CLSTN2: variants seen among roughly 807,000 people sequenced by gnomAD.
CLSTN2 encodes the protein calsyntenin-2.
In CLSTN2, 48 loss-of-function variants were observed where a neutral mutation model predicts 101.2. The observed-to-expected ratio is 0.47, with a 90% CI of 0.38 to 0.60. The LOEUF (loss-of-function observed/expected upper bound fraction) is 0.60. Among genes scored for constraint, CLSTN2 ranks in the 20% least tolerant of loss-of-function variants. CLSTN2 has a pLI of 0.00. For missense variants in CLSTN2, 1,160 were observed against 1,238.2 expected (o/e 0.94, Z 0.95); for synonymous variants, 481 against 463.6 (o/e 1.04, Z -0.48).
chr3:140,149,925 G>A (rs73868759), intron 1 of CLSTN2, among the ~76,000 whole-genome samples: 279 of 152,246 alleles, frequency 1.8e-3, no homozygotes, highest in African/African-American at 6.5e-3. Context: ...TCTTGGGTTC[G>A]TGACAAGTAG....
intron 1 of CLSTN2, among the ~76,000 whole-genome samples, chr3:139,960,398 C>T (rs1397477729): frequency 6.6e-6 from 1 of 152,156 alleles, no homozygotes; most frequent in Admixed American, 6.5e-5. Flanking sequence ...TCCTTTGAGG[C>T]ATCCCACACT....
chr3:140,078,327 C>T (rs996187611), intron 1 of CLSTN2, among the ~76,000 whole-genome samples: 4 of 152,164 alleles, frequency 2.6e-5, no homozygotes, highest in Non-Finnish European at 5.9e-5. Context: ...GAACATGGAG[C>T]TGGTCAATGC....
chr3:140,272,910 T>C (rs1553727216), intron 2 of CLSTN2, among the ~76,000 whole-genome samples: 1 of 152,176 alleles, frequency 6.6e-6, no homozygotes, highest in Non-Finnish European at 1.5e-5. Context: ...TTTTGAAATA[T>C]GTGAAGGAAG....
Position 140,562,266 on chromosome 3 carries a change from C to A in CLSTN2, c.2170C>A (p.His724Asn). 6.2e-7 allele frequency: 1 copy of A among 1,613,952 alleles called. No individual in the cohort carries two copies. The highest frequency in any genetic ancestry group is 8.5e-7 in the Non-Finnish European group (1 of 1,179,956). Residue 724 changes from histidine to asparagine, a missense_variant, in exon 13 of 17, where the codon CAC becomes AAC. Coordinates refer to ENST00000458420, the MANE Select transcript of CLSTN2 (RefSeq NM_022131.3). ...ELNHSELHQR[H>N]LDATNSTAGY... ...CAACCACAGTGAGCTCCACCAACGA[C>A]ACCTGGATGCCACTAATTCTACTGC...
At chr3:140,248,983 A>G (rs1315864964) in intron 2 of CLSTN2, among the ~76,000 whole-genome samples, 1 of 152,188 alleles carries the variant, frequency 6.6e-6, no homozygotes, top group Middle Eastern at 3.2e-3. Flanking sequence ...TTGGAAATTC[A>G]TGGGAGTTCA....
At chr3:140,181,023 T>C (rs1264453486) in intron 2 of CLSTN2, among the ~76,000 whole-genome samples, 1 of 152,222 alleles carries the variant, frequency 6.6e-6, no homozygotes, top group African/African-American at 2.4e-5. Flanking sequence ...GCAAAGCCTC[T>C]CCCACATGCT....
chr3:140,221,722 A>G (rs1177473779), intron 2 of CLSTN2, among the ~76,000 whole-genome samples: 1 of 152,238 alleles, frequency 6.6e-6, no homozygotes, highest in African/African-American at 2.4e-5. Flanking sequence ...GTAAACAGGT[A>G]TGTGAAAAGG....
At chr3:140,059,251 A>G (rs1396471648) in intron 1 of CLSTN2, among the ~76,000 whole-genome samples, 3 of 152,236 alleles carry the variant, frequency 2.0e-5, no homozygotes, top group Admixed American at 6.5e-5. Context: ...ACCACCCATG[A>G]TAAGTGTCCT....
chr3:140,558,019 T>G (rs1935834074), intron 11 of CLSTN2, among the ~76,000 whole-genome samples: 1 of 152,258 alleles, frequency 6.6e-6, no homozygotes, highest in Non-Finnish European at 1.5e-5. Flanking sequence ...TCAAGTGCCT[T>G]GTCCACATTT....
chr3:140,078,122 G>C (rs1311098185), intron 1 of CLSTN2, among the ~76,000 whole-genome samples: 1 of 152,148 alleles, frequency 6.6e-6, no homozygotes, highest in Non-Finnish European at 1.5e-5. Flanking sequence ...GCCCACTTGA[G>C]CTTTATCCTG....
At chr3:140,341,149 C>A (rs2107936062) in intron 2 of CLSTN2, among the ~76,000 whole-genome samples, 1 of 152,288 alleles carries the variant, frequency 6.6e-6, no homozygotes, top group Middle Eastern at 3.4e-3. Context: ...TGCATATTAT[C>A]TAAGGTCCCT....
At chr3:140,091,020 G>A (rs2008771730) in intron 1 of CLSTN2, among the ~76,000 whole-genome samples, 1 of 152,122 alleles carries the variant, frequency 6.6e-6, no homozygotes, top group Admixed American at 6.5e-5. Context: ...ACATAATGTG[G>A]TGGAGTGGCC....
intron 1 of CLSTN2, among the ~76,000 whole-genome samples, chr3:140,174,028 C>T (rs968035683): frequency 6.6e-6 from 1 of 152,216 alleles, no homozygotes. Context: ...AATTTCTCCT[C>T]AGAAAATGGG....
At chr3:140,138,440 G>A (rs1299741120) in intron 1 of CLSTN2, among the ~76,000 whole-genome samples, 5 of 152,170 alleles carry the variant, frequency 3.3e-5, no homozygotes, top group Admixed American at 1.3e-4. Context: ...CATCCTTCCT[G>A]GGTTGGAGTC....
At chr3:140,140,166 C>A (rs760649781) in intron 1 of CLSTN2, among the ~76,000 whole-genome samples, 16 of 152,154 alleles carry the variant, frequency 1.1e-4, no homozygotes, top group Non-Finnish European at 2.2e-4. Flanking sequence ...CCAGGGGCCA[C>A]CGTTTGAGAA....
chr3:140,419,027 C>G lies in CLSTN2; in HGVS notation c.638-2098C>G, dbSNP rs78829180. Among the ~76,000 whole-genome samples, 69 of 148,474 alleles carry G rather than the reference C, an allele frequency of 4.6e-4. 1 individual carries two copies. In the East Asian group the frequency reaches 0.01, roughly 22 times the overall value. On this transcript the variant is annotated intron_variant, in intron 4 of 16. Transcript: ENST00000458420. ...CACTAATATTGTGTAATTGGTGGAC[C>G]TTTTTTTAAAAAAAAAATCTTTCAA...
At chr3:140,296,139 G>A (rs1401819365) in intron 2 of CLSTN2, among the ~76,000 whole-genome samples, 2 of 152,100 alleles carry the variant, frequency 1.3e-5, no homozygotes, top group Non-Finnish European at 2.9e-5. Context: ...CAACTTCATA[G>A]CTTTAACTAT....
chr3:139,962,089 A>G (rs1405319316), intron 1 of CLSTN2, among the ~76,000 whole-genome samples: 1 of 152,138 alleles, frequency 6.6e-6, no homozygotes, highest in East Asian at 1.9e-4. Flanking sequence ...ATTATAAATA[A>G]TTCTGCAGTA....
At chr3:140,555,024 G>A (rs1935768305) in intron 10 of CLSTN2, among the ~76,000 whole-genome samples, 1 of 152,142 alleles carries the variant, frequency 6.6e-6, no homozygotes, top group African/African-American at 2.4e-5. Context: ...ATATCTAAGT[G>A]GCTTATACAA....
Sources: gnomAD v4.1 joint callset for allele counts (sites outside exome capture counted in the v4.1 genomes callset) on GRCh38, gnomAD v4.1.1 for gene constraint, MANE v1.5 for transcripts, NCBI Gene and HGNC (gene_info 2026-07-23, HGNC 2026-07-21) for gene names.